CSMD1: variants seen among roughly 807,000 people sequenced by gnomAD.
CSMD1 encodes the protein CUB and sushi domain-containing protein 1.
Under a neutral mutation model 417.5 loss-of-function variants are expected in CSMD1, and 213 were observed. The observed-to-expected ratio is 0.51, with a 90% CI of 0.46 to 0.57. The LOEUF (loss-of-function observed/expected upper bound fraction) is 0.57. Ranked by LOEUF, CSMD1 falls within the 20% of genes least tolerant of loss-of-function variation. The pLI is 0.00. For missense variants in CSMD1, 6,923 were observed against 4,529.7 expected, an observed-to-expected ratio of 1.53 and a Z score of -15.17; for synonymous variants, 2,862 against 1,736.8, an observed-to-expected ratio of 1.65 and a Z score of -16.11.
intron 6 of CSMD1, among the ~76,000 whole-genome samples, chr8:3,720,378 C>A (rs183812973): frequency 1.3e-5 from 2 of 152,150 alleles, no homozygotes; most frequent in Admixed American, 1.3e-4. Flanking sequence ...CCTTTTCTAT[C>A]TATGGGAATA....
At chr8:3,394,951 T>G (rs1024449184) in intron 17 of CSMD1, among the ~76,000 whole-genome samples, 2 of 152,212 alleles carry the variant, frequency 1.3e-5, no homozygotes, top group African/African-American at 2.4e-5. Context: ...GACAAAATCT[T>G]AAGATATACA....
At chr8:3,786,687 G>A (rs891853642) in intron 5 of CSMD1, among the ~76,000 whole-genome samples, 5 of 152,138 alleles carry the variant, frequency 3.3e-5, no homozygotes, top group South Asian at 2.1e-4. Context: ...TGGCTTAAAC[G>A]AAAACCATGT....
chr8:3,119,384 TAAAAAAAA>T (rs34060531), intron 41 of CSMD1, among the ~76,000 whole-genome samples: 18,511 of 88,568 alleles, frequency 0.21, 1,779 homozygotes, highest in East Asian at 0.46. Flanking sequence ...AGTCTTTTTC[TAAAAAAAA>T]AAAAAAAAAA....
chr8:3,054,706 T>C (rs1424178428), intron 49 of CSMD1, among the ~76,000 whole-genome samples: 2 of 152,160 alleles, frequency 1.3e-5, no homozygotes, highest in African/African-American at 2.4e-5. Context: ...CGTGTGTACG[T>C]GTGTGTACAT....
chr8:3,643,432 G>A (rs1018435321), intron 7 of CSMD1, among the ~76,000 whole-genome samples: 1 of 151,738 alleles, frequency 6.6e-6, no homozygotes, highest in South Asian at 2.1e-4. Flanking sequence ...GCCGGACGCC[G>A]TGGCTCACGC....
chr8:3,140,206 C>A (rs1380765), intron 41 of CSMD1, among the ~76,000 whole-genome samples: 4 of 152,002 alleles, frequency 2.6e-5, no homozygotes, highest in South Asian at 2.1e-4. Flanking sequence ...CACCCAGCCC[C>A]GATTACCCTT....
At chr8:4,313,569 A>G (rs1458330233) in intron 3 of CSMD1, among the ~76,000 whole-genome samples, 3 of 152,038 alleles carry the variant, frequency 2.0e-5, no homozygotes, top group Non-Finnish European at 4.4e-5. Flanking sequence ...ATGGGAGGGA[A>G]AGAAGAATGT....
At chr8:3,778,138 G>A (rs990617575) in intron 5 of CSMD1, among the ~76,000 whole-genome samples, 3 of 152,240 alleles carry the variant, frequency 2.0e-5, no homozygotes, top group African/African-American at 7.2e-5. Flanking sequence ...TCAGTTTGGA[G>A]TCAGTGGAAA....
chr8:4,701,098 G>A (rs905845946), intron 1 of CSMD1, among the ~76,000 whole-genome samples: 2 of 152,060 alleles, frequency 1.3e-5, no homozygotes, highest in Non-Finnish European at 1.5e-5. Flanking sequence ...GTAGAGTTAG[G>A]ATGAAAGGTG....
At chr8:3,720,187 C>G (rs1489838537) in intron 6 of CSMD1, among the ~76,000 whole-genome samples, 2 of 152,180 alleles carry the variant, frequency 1.3e-5, no homozygotes, top group Non-Finnish European at 2.9e-5. Flanking sequence ...ATGAACCTCT[C>G]CACTCCCCAA....
chr8:3,867,659 G>C (rs1805196042), intron 5 of CSMD1, among the ~76,000 whole-genome samples: 1 of 151,888 alleles, frequency 6.6e-6, no homozygotes, highest in Non-Finnish European at 1.5e-5. Context: ...ATAGTATCTT[G>C]GTTAATCTTC....
chr8:3,696,314 T>C (rs867295917), intron 7 of CSMD1, among the ~76,000 whole-genome samples: 18 of 152,226 alleles, frequency 1.2e-4, no homozygotes, highest in Non-Finnish European at 2.9e-5. Flanking sequence ...GTGCCTTCCA[T>C]CTCCGAAGCA....
chr8:4,913,019 C>T (rs527869594), intron 1 of CSMD1, among the ~76,000 whole-genome samples: 2 of 152,206 alleles, frequency 1.3e-5, no homozygotes, highest in African/African-American at 2.4e-5. Context: ...GAACTCCTGA[C>T]CTCAAGTGAT....
At chr8:4,012,045 T>C (rs1179122417) in intron 4 of CSMD1, among the ~76,000 whole-genome samples, 3 of 152,254 alleles carry the variant, frequency 2.0e-5, no homozygotes, top group South Asian at 4.1e-4. Context: ...AGTCAGTACA[T>C]GGTCGGTACA....
At chr8:4,333,767 T>C (rs200429554) in intron 3 of CSMD1, among the ~76,000 whole-genome samples, 1 of 152,142 alleles carries the variant, frequency 6.6e-6, no homozygotes, top group East Asian at 1.9e-4. Flanking sequence ...CACGGGTAGG[T>C]AGCCTTGACC....
intron 15 of CSMD1, among the ~76,000 whole-genome samples, chr8:3,400,377 T>C (rs1466308332): frequency 6.6e-6 from 1 of 152,136 alleles, no homozygotes; most frequent in Non-Finnish European, 1.5e-5. Flanking sequence ...AAAAATCCTT[T>C]TGGAAAAAAT....
At chr8:4,877,627 A>C (rs770304786) in intron 1 of CSMD1, among the ~76,000 whole-genome samples, 1 of 152,032 alleles carries the variant, frequency 6.6e-6, no homozygotes, top group Non-Finnish European at 1.5e-5. Flanking sequence ...TCCTAATCCT[A>C]TATTTCCAAG....
intron 12 of CSMD1, among the ~76,000 whole-genome samples, chr8:3,464,516 C>A (rs75339563): frequency 0.024 from 3,587 of 151,054 alleles, 215 homozygotes; most frequent in East Asian, 0.17. Context: ...ATTATCTTTT[C>A]TTATATAGTA....
intron 26 of CSMD1, among the ~76,000 whole-genome samples, chr8:3,259,881 G>A (rs890351282): frequency 2.0e-5 from 3 of 152,120 alleles, no homozygotes; most frequent in African/African-American, 4.8e-5. Flanking sequence ...ATTAATTTAT[G>A]ACACATGAAA....
Sources: allele counts gnomAD v4.1 joint callset (sites outside exome capture counted in the v4.1 genomes callset), GRCh38; gene constraint gnomAD v4.1.1; transcripts MANE v1.5; gene names NCBI Gene and HGNC (gene_info 2026-07-23, HGNC 2026-07-21).